Variants in SULT2B1 observed in about 807,000 individuals in gnomAD.
SULT2B1 encodes the protein sulfotransferase family 2B member 1.
A neutral mutation model predicts 33.2 loss-of-function variants in SULT2B1; 16 were observed. The ratio of observed to expected loss-of-function variants is 0.48; its 90% CI spans 0.33 to 0.73. The LOEUF is 0.73. SULT2B1 is among the 30% of genes least tolerant of loss of function. The pLI, the probability that SULT2B1 is intolerant of heterozygous loss-of-function variation, is 0.02. For synonymous variants in SULT2B1, 186 were observed against 200.5 expected (o/e 0.93, Z 0.61); for missense variants, 500 against 506.0 (o/e 0.99, Z 0.11).
intron 3 of SULT2B1, among the ~76,000 whole-genome samples, chr19:48,589,968 TTTTC>T (rs1234314518): frequency 6.6e-6 from 1 of 151,892 alleles, no homozygotes; most frequent in African/African-American, 2.4e-5. Context: ...TTCTTTTCTT[TTTTC>T]TTTTTCTTTC....
chr19:48,599,217 G>T lies in SULT2B1; in HGVS notation c.909G>T (p.Gly303=), dbSNP rs1973765378. 6.2e-7 allele frequency: 1 copy of T among 1,607,420 alleles called. No homozygotes were observed. Among genetic ancestry groups the T allele is most frequent in the Non-Finnish European group, 8.5e-7 (1 of 1,178,252 alleles). The change falls in exon 7 of 7, where the codon GGG becomes GGT. Residue 303 remains glycine (G), a synonymous_variant. Transcript: ENST00000201586. The surrounding 1 kb of genome is among the most constrained non-coding windows in gnomAD (Gnocchi z 4.1). ...FDRAYRKQMR[G]MPTFPWDEDP... ...GTGCCTACCGCAAGCAGATGCGGGG[G>T]ATGCCGACCTTCCCCTGGGATGAAG...
chr19:48,576,374 T>TTTTTTTTTTTTTG (rs1973409274), intron 2 of SULT2B1, among the ~76,000 whole-genome samples: 1 of 140,454 alleles, frequency 7.1e-6, no homozygotes, highest in South Asian at 2.4e-4. Context: ...TTTTTTTTTT[T>TTTTTTTTTTTTTG]TTTGTAGAGA....
chr19:48,561,478 AAAAT>A (rs1362523988), intron 1 of SULT2B1, among the ~76,000 whole-genome samples: 1 of 151,858 alleles, frequency 6.6e-6, no homozygotes, highest in Non-Finnish European at 1.5e-5. Flanking sequence ...TAATTAAGAT[AAAAT>A]AAATAAATAA....
intron 1 of SULT2B1, among the ~76,000 whole-genome samples, chr19:48,561,370 A>G (rs1455771629): frequency 2.0e-5 from 3 of 151,930 alleles, no homozygotes; most frequent in Admixed American, 6.6e-5. Flanking sequence ...CAGAGGTTGC[A>G]GTGAGCCGAG....
chr19:48,595,733 T>A (rs1181033500), intron 5 of SULT2B1: 1 of 142,858 alleles, frequency 7.0e-6, no homozygotes, highest in Non-Finnish European at 1.5e-5. Flanking sequence ...AGTGGTGAGA[T>A]CTCGGCTCAC....
rs979546078 is a variant in SULT2B1, at chr19:48,568,927, G to A, written c.72-7014G>A. 2.6e-5 allele frequency among the ~76,000 whole-genome samples: 4 copies of A among 152,120 alleles called. No homozygotes were observed. The East Asian group carries it at 5.8e-4, about 22-fold the overall frequency. On this transcript the variant is annotated intron_variant, in intron 1 of 6. Coordinates refer to ENST00000201586, the MANE Select transcript of SULT2B1 (RefSeq NM_177973.2). ...CTCTTCCTTCTGGTCCCCACACACC[G>A]CTCCCTCTCTCGCTACCTTCAGTCT...
At chr19:48,587,951 T>C (rs1304183001) in intron 3 of SULT2B1, among the ~76,000 whole-genome samples, 1 of 140,124 alleles carries the variant, frequency 7.1e-6, no homozygotes, top group Non-Finnish European at 1.5e-5. Flanking sequence ...GGCTCACGCC[T>C]GTAATCCCAG....
chr19:48,564,426 G>A (rs1194226843), intron 1 of SULT2B1, among the ~76,000 whole-genome samples: 8 of 150,350 alleles, frequency 5.3e-5, no homozygotes, highest in Non-Finnish European at 1.0e-4. Flanking sequence ...GGTGGCAGGT[G>A]CCTGTAGTCC....
chr19:48,583,097 G>T (rs1973515560), intron 2 of SULT2B1, among the ~76,000 whole-genome samples: 1 of 149,090 alleles, frequency 6.7e-6, no homozygotes, highest in Admixed American at 6.6e-5. Flanking sequence ...GTTGCAGTGA[G>T]CCGAGATCAC....
chr19:48,588,535 A>G (rs1277574277), intron 3 of SULT2B1, among the ~76,000 whole-genome samples: 3 of 150,086 alleles, frequency 2.0e-5, no homozygotes, highest in Non-Finnish European at 4.4e-5. Context: ...CCCATATATT[A>G]TACTACATAT....
At chr19:48,565,105 TAGTAGAGACA>T (rs1973228129) in intron 1 of SULT2B1, among the ~76,000 whole-genome samples, 1 of 151,850 alleles carries the variant, frequency 6.6e-6, no homozygotes, top group African/African-American at 2.4e-5. Flanking sequence ...TTGTTTTTTT[TAGTAGAGACA>T]GGGTTTCGCC....
chr19:48,584,469 C>T (rs1164415163), intron 2 of SULT2B1, among the ~76,000 whole-genome samples: 1 of 152,202 alleles, frequency 6.6e-6, no homozygotes, highest in East Asian at 1.9e-4. Flanking sequence ...CCTCTGCTGA[C>T]AAGGTTTAAC....
At chr19:48,593,409 G>C (rs1367683781) in intron 5 of SULT2B1, among the ~76,000 whole-genome samples, 1 of 151,510 alleles carries the variant, frequency 6.6e-6, no homozygotes, top group Non-Finnish European at 1.5e-5. Context: ...AAAATTAGCC[G>C]GGCACAGTGG....
In SULT2B1 at chr19:48,599,348, C is replaced by T. The variant is rs535907004; in HGVS notation, c.1040C>T (p.Ser347Phe). ...TSLEREPRPNSSPSPSPGQAS... is the reference protein window; with the variant it reads ...TSLEREPRPNFSPSPSPGQAS... Reference sequence around the variant, plus strand: ...CTGGAGCGTGAGCCCAGACCCAACTCCAGCCCCAGCCCCAGCCCCGGCCAG... The same window carrying T: ...CTGGAGCGTGAGCCCAGACCCAACTTCAGCCCCAGCCCCAGCCCCGGCCAG... The change falls in exon 7 of 7, where the codon TCC becomes TTC. Residue 347 changes from serine to phenylalanine, a missense_variant. Physicochemically the swap from Ser to Phe is radical, Grantham distance 155. Transcript: ENST00000201586. The surrounding 1 kb of genome is among the most constrained non-coding windows in gnomAD (Gnocchi z 4.1). 3.6e-5 allele frequency: 57 copies of T among 1,567,722 alleles called. No homozygotes were observed. The East Asian group carries it at 1.3e-3, about 35-fold the overall frequency.
rs1365542504 is a variant in SULT2B1 at position 48,592,496 on chromosome 19, G to A, written c.551-226G>A. ...AAATCCAGGTGTGTGGAGGCGGACT[G>A]GATGGACAGATAGACAAAGGCCCCC... On this transcript the variant is annotated intron_variant, in intron 4 of 6. Transcript: ENST00000201586. 2.6e-5 allele frequency among the ~76,000 whole-genome samples: 4 copies of A among 152,286 alleles called. No homozygotes were observed. In the East Asian group the frequency reaches 5.8e-4, roughly 22 times the overall value.
At chr19:48,563,055 T>A (rs539496479) in intron 1 of SULT2B1, among the ~76,000 whole-genome samples, 1 of 152,236 alleles carries the variant, frequency 6.6e-6, no homozygotes, top group South Asian at 2.1e-4. Flanking sequence ...CCCTATCAGA[T>A]CTTTTTTTAA....
Position 48,585,642 on chromosome 19 carries a change from T to C in SULT2B1, c.215-1587T>C, listed in dbSNP as rs1643834734. Among the ~76,000 whole-genome samples the C allele has an allele frequency of 2.0e-5, 3 of 149,790 alleles. No homozygotes were observed. The South Asian group carries it at 6.3e-4, about 32-fold the overall frequency. On this transcript the variant is annotated intron_variant, in intron 2 of 6. Transcript: ENST00000201586. ...CAAGATCGCGCCATTGCACTCCAGC[T>C]TGGGCAACAAGAGCAAAACTCCGTC...
intron 1 of SULT2B1, among the ~76,000 whole-genome samples, chr19:48,553,430 C>T (rs2147592123): frequency 1.3e-5 from 2 of 152,336 alleles, no homozygotes; most frequent in Middle Eastern, 3.4e-3. Context: ...GCCTCAGCTT[C>T]CCAAGTAACT....
chr19:48,581,882 TTATTATTA>T (rs1027940128), intron 2 of SULT2B1, among the ~76,000 whole-genome samples: 4 of 122,970 alleles, frequency 3.3e-5, no homozygotes, highest in South Asian at 2.8e-4. Context: ...TGTTTTATTA[TTATTATTA>T]TATTATTATT....
Sources: allele counts gnomAD v4.1 joint callset (sites outside exome capture counted in the v4.1 genomes callset), GRCh38; gene constraint gnomAD v4.1.1; non-coding constraint Gnocchi (gnomAD v3.1); transcripts MANE v1.5; gene names NCBI Gene and HGNC (gene_info 2026-07-23, HGNC 2026-07-21).